Variants in CHCHD7 observed in about 807,000 individuals in gnomAD.
CHCHD7 encodes the protein coiled-coil-helix-coiled-coil-helix domain containing 7.
A neutral mutation model predicts 10.5 loss-of-function variants in CHCHD7; 7 were observed. That is an observed-to-expected ratio of 0.67 (90% CI 0.38 to 1.25). The LOEUF (loss-of-function observed/expected upper bound fraction) is 1.25. Among genes scored for constraint, CHCHD7 ranks in the 50% most tolerant of loss-of-function variants. The pLI is 0.02. For synonymous variants in CHCHD7, 40 were observed against 36.0 expected (o/e 1.11, Z -0.40); for missense variants, 100 against 104.5 (o/e 0.96, Z 0.19).
Position 56,218,624 on chromosome 8 carries a change from T to C in CHCHD7, c.*1189T>C. ...AAAAATGAATCATTTCCAAAATTCT[T>C]TTGATTTGTATTGACTGCTATAAAA... is the stretch of plus-strand genomic sequence containing the variant. On this transcript the variant is annotated 3_prime_UTR_variant, in exon 4 of 4. Transcript: ENST00000355315. 5.0e-6 allele frequency: 1 copy of C among 200,804 alleles called. No individual in the cohort carries two copies. The highest frequency in any genetic ancestry group is 7.8e-5 in the East Asian group (1 of 12,798). The allele number at this position is 200,804 out of a possible 1,614,324, so 12.4% of individuals were successfully genotyped here.
intron 3 of CHCHD7, 123 bp from the exon 4 acceptor site, chr8:56,217,206 TAA>T: frequency 3.7e-6 from 2 of 543,226 alleles, no homozygotes; most frequent in Non-Finnish European, 6.5e-6. Context: ...ATTTTTTTTT[TAA>T]AAAAAACTTG....
intron 2 of CHCHD7, chr8:56,214,937 A>C: frequency 3.2e-6 from 1 of 311,828 alleles, no homozygotes; most frequent in South Asian, 5.9e-5. Flanking sequence ...TAACACTGAG[A>C]ATATTTAGTC....
chr8:56,215,212 A>G (rs1813270528), intron 2 of CHCHD7: 1 of 152,894 alleles, frequency 6.5e-6, no homozygotes, highest in Admixed American at 6.5e-5. Flanking sequence ...TAGTTATCAT[A>G]CTGGTCCCAT....
Position 56,218,344 on chromosome 8 carries a change from A to G in CHCHD7, c.*909A>G, listed in dbSNP as rs1204825459. 1 of 228,596 alleles carries G rather than the reference A, an allele frequency of 4.4e-6. No individual in the cohort carries two copies. Among genetic ancestry groups the G allele is most frequent in the Non-Finnish European group, 8.7e-6 (1 of 115,298 alleles). 14.2% of individuals were successfully genotyped at this position (228,596 alleles called of 1,614,324 possible). ...ATGTGGTGACTGGGGTAGACTGTGA[A>G]GCAGCCCTCCTTATGCCCACTGCCT... On this transcript the variant is annotated 3_prime_UTR_variant, in exon 4 of 4. Transcript: ENST00000355315.
At chr8:56,217,206 T>TA (rs200960568) in intron 3 of CHCHD7, 125 bp from the exon 4 acceptor site, 41 of 543,034 alleles carry the variant, frequency 7.6e-5, no homozygotes, top group East Asian at 9.4e-5. Flanking sequence ...ATTTTTTTTT[T>TA]AAAAAAAACT....
In CHCHD7 at chr8:56,212,638, G is replaced by C. The variant is rs1318551284; in HGVS notation, c.-17+801G>C. 4 of 496,556 alleles carry C rather than the reference G, an allele frequency of 8.1e-6. No homozygotes were observed. In the East Asian group the frequency reaches 1.2e-4, roughly 15 times the overall value. 30.8% of individuals were successfully genotyped at this position (496,556 alleles called of 1,614,324 possible). On this transcript the variant is annotated intron_variant, in intron 1 of 3. Transcript: ENST00000355315. ...TTCTGGTTATGCTCTGCAAGTAGTA[G>C]AGCCTTGTAACATTTATTTAGTACA...
chr8:56,218,344 A>T lies in CHCHD7; in HGVS notation c.*909A>T, dbSNP rs1204825459. On this transcript the variant is annotated 3_prime_UTR_variant, in exon 4 of 4. Transcript: ENST00000355315. ...ATGTGGTGACTGGGGTAGACTGTGA[A>T]GCAGCCCTCCTTATGCCCACTGCCT... 4.4e-6 allele frequency: 1 copy of T among 228,596 alleles called. No homozygotes were observed. Among genetic ancestry groups the T allele is most frequent in the Non-Finnish European group, 8.7e-6 (1 of 115,298 alleles). 14.2% of individuals were successfully genotyped at this position (228,596 alleles called of 1,614,324 possible).
intron 2 of CHCHD7, among the ~76,000 whole-genome samples, chr8:56,216,180 T>C (rs1177237878): frequency 6.6e-6 from 1 of 152,212 alleles, no homozygotes; most frequent in Non-Finnish European, 1.5e-5. Flanking sequence ...ATCACAGTTA[T>C]TTGGCTCAAA....
At chr8:56,214,067 T>G (rs1439318605) in intron 1 of CHCHD7, 1 of 152,260 alleles carries the variant, frequency 6.6e-6, no homozygotes, top group Non-Finnish European at 1.5e-5. Context: ...GAATTATAAT[T>G]GAACTATCTT....
chr8:56,212,848 G>GA, intron 1 of CHCHD7: 1 of 1,604,068 alleles, frequency 6.2e-7, no homozygotes, highest in Admixed American at 1.7e-5. Flanking sequence ...GAAGGAAAAG[G>GA]AAATGAAATG....
Position 56,217,671 on chromosome 8 carries a change from A to G in CHCHD7, c.*236A>G. ...CATGACTTTCTGGAGGCATGGAGTT[A>G]GGTAAGGCTACATGAGAAATTGAGC... On this transcript the variant is annotated 3_prime_UTR_variant, in exon 4 of 4. Coordinates refer to ENST00000355315, the MANE Select transcript of CHCHD7 (RefSeq NM_001011671.3). 1 of 385,638 alleles carries G rather than the reference A, an allele frequency of 2.6e-6. No individual in the cohort carries two copies. The highest frequency in any genetic ancestry group is 4.2e-5 in the East Asian group (1 of 23,742). The allele number at this position is 385,638 out of a possible 1,614,324, so 23.9% of individuals were successfully genotyped here. A position where few individuals can be genotyped will look rare whatever the true frequency, so the allele number is the denominator to read the frequency against.
In CHCHD7 at chr8:56,218,664, T is replaced by C. The variant is rs1182944767; in HGVS notation, c.*1229T>C. ...CTGCTATAAAAATGATGGATTAAAATAGGACCAGAAAAGAATGAATGCCTA... is the reference window on the plus strand; with the variant it reads ...CTGCTATAAAAATGATGGATTAAAACAGGACCAGAAAAGAATGAATGCCTA... On this transcript the variant is annotated 3_prime_UTR_variant, in exon 4 of 4. Transcript: ENST00000355315. The C allele has an allele frequency of 1.0e-5, 2 of 200,170 alleles. No homozygotes were observed. Among genetic ancestry groups the C allele is most frequent in the Non-Finnish European group, 2.1e-5 (2 of 97,198 alleles). 12.4% of individuals were successfully genotyped at this position (200,170 alleles called of 1,614,324 possible).
chr8:56,217,281 T>C (rs1199782142), intron 3 of CHCHD7, 50 bp from the exon 4 acceptor site: 1 of 1,095,188 alleles, frequency 9.1e-7, no homozygotes, highest in East Asian at 2.4e-5. Context: ...TAGCATTTAA[T>C]ACATGACTGA....
In CHCHD7 at chr8:56,217,421, A is replaced by T; in HGVS notation, c.244A>T (p.Asn82Tyr). The T allele has an allele frequency of 6.3e-7, 1 of 1,584,864 alleles. No individual in the cohort carries two copies. The highest frequency in any genetic ancestry group is 1.1e-5 in the South Asian group (1 of 90,458). The change falls in exon 4 of 4, where the codon AAT becomes TAT. Residue 82 changes from asparagine (N) to tyrosine (Y), a missense_variant. Asn to Tyr is a moderately radical substitution (Grantham distance 143). Transcript: ENST00000355315. ...ERDEILRAVG[N>Y]MPY is the part of the protein sequence containing the mutation. ...AGATGAAATCTTGAGAGCAGTGGGA[A>T]ATATGCCCTATTGAATGTTTGCATT...
At chr8:56,214,767 T>C in intron 2 of CHCHD7, 100 bp downstream of exon 2, 1 of 819,242 alleles carries the variant, frequency 1.2e-6, no homozygotes, top group East Asian at 2.6e-5. Flanking sequence ...AATAAAGTTA[T>C]TTCTCTAGAA....
chr8:56,211,972 G>C (rs974963450), intron 1 of CHCHD7, 135 bp downstream of exon 1: 6 of 152,744 alleles, frequency 3.9e-5, no homozygotes, highest in African/African-American at 1.4e-4. Context: ...CCGCAGCGCG[G>C]ACCTCTTCCC....
Position 56,217,502 on chromosome 8 carries a change from A to G in CHCHD7, c.*67A>G. 1.0e-6 allele frequency: 1 copy of G among 996,744 alleles called. No individual in the cohort carries two copies. Among genetic ancestry groups the G allele is most frequent in the Non-Finnish European group, 1.6e-6 (1 of 635,918 alleles). The allele number at this position is 996,744 out of a possible 1,614,324, so 61.7% of individuals were successfully genotyped here. ...AATATTTCTAATAAATGATTGCTGT[A>G]ATATTTAAGACTGTACACCCCTCAC... On this transcript the variant is annotated 3_prime_UTR_variant, in exon 4 of 4. Coordinates refer to ENST00000355315, the MANE Select transcript of CHCHD7 (RefSeq NM_001011671.3).
Position 56,216,470 on chromosome 8 carries a change from A to G in CHCHD7, c.92A>G (p.Asn31Ser), listed in dbSNP as rs750320264. 6 of 1,614,166 alleles carry G rather than the reference A, an allele frequency of 3.7e-6. No homozygotes were observed. Among genetic ancestry groups the G allele is most frequent in the Non-Finnish European group, 4.2e-6 (5 of 1,179,994 alleles). The change falls in exon 3 of 4, where the codon AAC (asparagine) becomes AGC (serine). Residue 31 changes from asparagine (N) to serine (S), a missense_variant. Asn to Ser is a conservative substitution (Grantham distance 46). Transcript: ENST00000355315. The part of the protein sequence containing the change: ...DASTRCLDEN[N>S]YDRERCSTYF... The stretch of plus-strand genomic sequence containing the variant: ...TCCACCAGATGTCTGGATGAAAATA[A>G]CTATGACAGGGAAAGGTGTTCCACT...
chr8:56,215,353 A>G (rs1209739109), intron 2 of CHCHD7: 1 of 152,220 alleles, frequency 6.6e-6, no homozygotes, highest in African/African-American at 2.4e-5. Context: ...CTGTCTACCC[A>G]TATAGCTAAA....
Sources: allele counts gnomAD v4.1 joint callset (sites outside exome capture counted in the v4.1 genomes callset), GRCh38; gene constraint gnomAD v4.1.1; transcripts MANE v1.5; gene names NCBI Gene and HGNC (gene_info 2026-07-23, HGNC 2026-07-21).